POLR3G: variants seen among roughly 807,000 people sequenced by gnomAD.
POLR3G encodes DNA-directed RNA polymerase III subunit RPC7.
Under a neutral mutation model 30.1 loss-of-function variants are expected in POLR3G, and 28 were observed. The observed-to-expected ratio is 0.93, with a 90% CI of 0.69 to 1.27. POLR3G has a LOEUF of 1.27. POLR3G is among the 50% of genes most tolerant of loss of function. The probability of loss-of-function intolerance (pLI) is 0.00; values close to 1 mark genes in which losing one functional copy is unlikely to be tolerated. For synonymous variants in POLR3G, 79 were observed against 82.5 expected (o/e 0.96, Z 0.23); for missense variants, 254 against 264.6 (o/e 0.96, Z 0.28).
At chr5:90,504,422 C>T (rs1752393588) in intron 6 of POLR3G, among the ~76,000 whole-genome samples, 1 of 151,788 alleles carries the variant, frequency 6.6e-6, no homozygotes, top group African/African-American at 2.4e-5. Flanking sequence ...ATTAGCTGGG[C>T]GTGGTAGCAG....
In POLR3G at chr5:90,512,581, T is replaced by C. The variant is rs565340564; in HGVS notation, c.*442T>C. 6.4e-6 allele frequency: 1 copy of C among 156,518 alleles called. No individual in the cohort carries two copies. The highest frequency in any genetic ancestry group is 2.4e-5 in the African/African-American group (1 of 41,600). 9.7% of individuals were successfully genotyped at this position (156,518 alleles called of 1,614,324 possible). On this transcript the variant is annotated 3_prime_UTR_variant, in exon 8 of 8. Transcript: ENST00000651687. ...AAAAACAAAGAAACTTGAAAATAAT[T>C]TTATTTTTTACCTTTACATGGTGTG...
chr5:90,500,845 A>C (rs901833542), intron 5 of POLR3G, among the ~76,000 whole-genome samples: 1 of 152,134 alleles, frequency 6.6e-6, no homozygotes, highest in Non-Finnish European at 1.5e-5. Flanking sequence ...TCCTCTTACA[A>C]AGTAATTTCT....
intron 1 of POLR3G, among the ~76,000 whole-genome samples, chr5:90,483,721 T>C (rs906037121): frequency 2.0e-5 from 3 of 152,008 alleles, no homozygotes; most frequent in African/African-American, 7.2e-5. Flanking sequence ...ATTGCTTAAG[T>C]GAGGGAGGGA....
intron 3 of POLR3G, among the ~76,000 whole-genome samples, chr5:90,495,250 A>G (rs981753241): frequency 6.6e-6 from 1 of 152,120 alleles, no homozygotes; most frequent in African/African-American, 2.4e-5. Flanking sequence ...CTCCTGAACT[A>G]CTTTTTATGA....
At chr5:90,481,632 T>C (rs1751125646) in intron 1 of POLR3G, among the ~76,000 whole-genome samples, 1 of 152,110 alleles carries the variant, frequency 6.6e-6, no homozygotes, top group Admixed American at 6.5e-5. Flanking sequence ...AAGCATTGTA[T>C]AGGGCACTGA....
intron 5 of POLR3G, among the ~76,000 whole-genome samples, chr5:90,499,644 G>A (rs769286938): frequency 1.3e-5 from 2 of 152,088 alleles, no homozygotes; most frequent in Non-Finnish European, 2.9e-5. Flanking sequence ...TAAGAACAGT[G>A]GGGTTATCAA....
intron 2 of POLR3G, among the ~76,000 whole-genome samples, chr5:90,486,483 G>A (rs993976175): frequency 1.3e-5 from 2 of 152,172 alleles, no homozygotes; most frequent in East Asian, 1.9e-4. Context: ...GGCTCTGCCC[G>A]ATCTCTCCGT....
intron 7 of POLR3G, among the ~76,000 whole-genome samples, chr5:90,510,910 TAG>T (rs757123444): frequency 6.6e-5 from 10 of 151,730 alleles, no homozygotes; most frequent in Non-Finnish European, 1.2e-4. Context: ...GTAAAATTGA[TAG>T]GAGACTTTCT....
intron 1 of POLR3G, among the ~76,000 whole-genome samples, chr5:90,482,909 G>A (rs1021711750): frequency 3.9e-5 from 6 of 152,200 alleles, no homozygotes; most frequent in Non-Finnish European, 8.8e-5. Flanking sequence ...GGGAGGCCAA[G>A]GCGGGTGGAT....
intron 1 of POLR3G, among the ~76,000 whole-genome samples, chr5:90,477,525 TCTA>T (rs2151896767): frequency 6.6e-6 from 1 of 152,244 alleles, no homozygotes; most frequent in African/African-American, 2.4e-5. Flanking sequence ...CTGGTAAACC[TCTA>T]CTATTAGATG....
intron 6 of POLR3G, among the ~76,000 whole-genome samples, chr5:90,505,838 A>G (rs1752456849): frequency 1.3e-5 from 2 of 152,228 alleles, no homozygotes; most frequent in South Asian, 4.1e-4. Context: ...ACATTTTGAG[A>G]TAATACTATT....
chr5:90,498,503 CT>C (rs1752096851), intron 5 of POLR3G, among the ~76,000 whole-genome samples: 1 of 152,104 alleles, frequency 6.6e-6, no homozygotes, highest in African/African-American at 2.4e-5. Flanking sequence ...TTAGCGCCCA[CT>C]TATAAGTGAG....
intron 7 of POLR3G, among the ~76,000 whole-genome samples, chr5:90,510,209 T>C (rs1002809032): frequency 1.3e-5 from 2 of 152,120 alleles, no homozygotes; most frequent in African/African-American, 4.8e-5. Flanking sequence ...AAACCCCGTC[T>C]CTACTAAAAA....
chr5:90,480,022 C>T (rs1257013957), intron 1 of POLR3G, among the ~76,000 whole-genome samples: 1 of 152,100 alleles, frequency 6.6e-6, no homozygotes, highest in African/African-American at 2.4e-5. Flanking sequence ...AGAGAAATTG[C>T]AAAGAAAGTG....
chr5:90,482,580 C>T (rs1365594116), intron 1 of POLR3G, among the ~76,000 whole-genome samples: 5 of 152,162 alleles, frequency 3.3e-5, no homozygotes, highest in Admixed American at 1.3e-4. Context: ...ATTATAGTTT[C>T]GGAGTCATGC....
At position 90,512,074 on chromosome 5, in the gene POLR3G, T is replaced by C; in HGVS notation, c.607T>C (p.Tyr203His). ...TTAGGAAAATGACTACATTAATTCA[T>C]ACTTTGAAGATGGAGATGATTTTGG... ...QEEENDYINS[Y>H]FEDGDDFGAD... Residue 203 changes from tyrosine to histidine, a missense_variant, in exon 8 of 8, where the codon TAC (tyrosine) becomes CAC (histidine). Transcript: ENST00000651687. 3 of 1,604,430 alleles carry C rather than the reference T, an allele frequency of 1.9e-6. No homozygotes were observed. Among genetic ancestry groups the C allele is most frequent in the African/African-American group, 1.3e-5 (1 of 74,836 alleles).
chr5:90,482,938 C>G (rs1284460252), intron 1 of POLR3G, among the ~76,000 whole-genome samples: 1 of 152,062 alleles, frequency 6.6e-6, no homozygotes, highest in Non-Finnish European at 1.5e-5. Context: ...GTTGGGAGTT[C>G]AAGACCAGCC....
chr5:90,487,672 T>G (rs1447488930), intron 2 of POLR3G, among the ~76,000 whole-genome samples: 1 of 152,078 alleles, frequency 6.6e-6, no homozygotes, highest in Non-Finnish European at 1.5e-5. Context: ...ATTACAGGCG[T>G]GAGCCACCAT....
At chr5:90,477,820 G>T (rs1488485914) in intron 1 of POLR3G, among the ~76,000 whole-genome samples, 1 of 152,222 alleles carries the variant, frequency 6.6e-6, no homozygotes, top group Non-Finnish European at 1.5e-5. Context: ...ACTCCAGTGA[G>T]GCAGTGGGTG....
Sources: gnomAD v4.1 joint callset for allele counts (sites outside exome capture counted in the v4.1 genomes callset) on GRCh38, gnomAD v4.1.1 for gene constraint, MANE v1.5 for transcripts, NCBI Gene and HGNC (gene_info 2026-07-23, HGNC 2026-07-21) for gene names.